EXOC4: variants seen among roughly 807,000 people sequenced by gnomAD.
EXOC4 encodes the protein exocyst complex component 4.
In EXOC4, 71 loss-of-function variants were observed where a neutral mutation model predicts 107.2. The observed-to-expected ratio is 0.66, with a 90% CI of 0.55 to 0.81. The LOEUF is 0.81. Among genes scored for constraint, EXOC4 ranks in the 30% least tolerant of loss-of-function variants. The probability of loss-of-function intolerance (pLI) is 0.00; values close to 1 mark genes in which losing one functional copy is unlikely to be tolerated. For synonymous variants in EXOC4, 456 were observed against 441.2 expected (o/e 1.03, Z -0.42); for missense variants, 1,108 against 1,189.6 (o/e 0.93, Z 1.01).
intron 6 of EXOC4, among the ~76,000 whole-genome samples, chr7:133,369,313 C>T (rs533224713): frequency 8.5e-5 from 13 of 152,222 alleles, no homozygotes; most frequent in South Asian, 2.1e-4. Flanking sequence ...AAGGAGTGTA[C>T]GTGCTGGTGA....
chr7:133,620,441 A>T (rs1802302562), intron 9 of EXOC4, among the ~76,000 whole-genome samples: 1 of 152,196 alleles, frequency 6.6e-6, no homozygotes, highest in South Asian at 2.1e-4. Context: ...TTACCATATG[A>T]CTTAGCAATT....
intron 10 of EXOC4, among the ~76,000 whole-genome samples, chr7:133,742,093 C>T (rs1322450010): frequency 1.3e-5 from 2 of 152,192 alleles, no homozygotes; most frequent in Non-Finnish European, 2.9e-5. Context: ...TTCTACTGCT[C>T]ATCGCACCAT....
At chr7:134,099,279 A>C in the EXOC4 span, among the ~76,000 whole-genome samples, 20 of 152,186 alleles carry the variant, frequency 1.3e-4, no homozygotes, top group African/African-American at 3.6e-4. Context: ...CAGAAGCAGG[A>C]AGGTCATTTT....
chr7:133,447,713 C>A (rs1427619854), intron 7 of EXOC4, among the ~76,000 whole-genome samples: 1 of 151,558 alleles, frequency 6.6e-6, no homozygotes, highest in Non-Finnish European at 1.5e-5. Context: ...ATCCTTTATC[C>A]CAGGGATAAT....
intron 10 of EXOC4, among the ~76,000 whole-genome samples, chr7:133,787,361 G>C (rs905526642): frequency 4.7e-5 from 3 of 63,694 alleles, no homozygotes; most frequent in South Asian, 8.0e-4. Context: ...GTGTGTGTGT[G>C]TGTGTGTGTG....
At chr7:133,668,904 T>G (rs763787296) in intron 10 of EXOC4, among the ~76,000 whole-genome samples, 92 of 151,882 alleles carry the variant, frequency 6.1e-4, no homozygotes, top group Middle Eastern at 3.4e-3. Flanking sequence ...AGATGACAGC[T>G]TTGGGGTGAG....
At chr7:133,762,008 C>G (rs1294518700) in intron 10 of EXOC4, among the ~76,000 whole-genome samples, 1 of 152,138 alleles carries the variant, frequency 6.6e-6, no homozygotes, top group African/African-American at 2.4e-5. Context: ...CTCTCACGTG[C>G]TTGATCTGTT....
At chr7:133,872,855 T>C (rs1220417722) in intron 11 of EXOC4, among the ~76,000 whole-genome samples, 1 of 152,254 alleles carries the variant, frequency 6.6e-6, no homozygotes, top group Non-Finnish European at 1.5e-5. Context: ...AAGAAATGCA[T>C]ACTTAATAGC....
chr7:133,898,017 C>T (rs1297478508), intron 12 of EXOC4, among the ~76,000 whole-genome samples: 1 of 120,872 alleles, frequency 8.3e-6, no homozygotes, highest in Non-Finnish European at 1.7e-5. Context: ...CCACCCCAAT[C>T]CCCCAGCCCC....
intron 10 of EXOC4, among the ~76,000 whole-genome samples, chr7:133,634,812 C>G (rs1802669348): frequency 6.6e-6 from 1 of 152,120 alleles, no homozygotes; most frequent in African/African-American, 2.4e-5. Flanking sequence ...GTGTTTCTGC[C>G]TGTGGGTCTA....
chr7:133,486,974 G>T (rs1799280303), intron 9 of EXOC4, among the ~76,000 whole-genome samples: 1 of 152,118 alleles, frequency 6.6e-6, no homozygotes, highest in South Asian at 2.1e-4. Context: ...TTGTTATCAA[G>T]TGTACTACTT....
rs1793767493 is a variant in EXOC4, at chr7:133,974,130, C to T, written c.2207-23362C>T. Among the ~76,000 whole-genome samples, 3 of 152,186 alleles carry T rather than the reference C, an allele frequency of 2.0e-5. No homozygotes were observed. In the South Asian group the frequency reaches 6.2e-4, roughly 32 times the overall value. The stretch of plus-strand genomic sequence containing the variant: ...TTCAGCCCATGCTTTTTGAGGGACA[C>T]GTTTAAACCATAGCAGACTATACCA... On this transcript the variant is annotated intron_variant, in intron 14 of 17. Transcript: ENST00000253861.
chr7:133,306,636 C>T (rs1794760247), intron 4 of EXOC4, among the ~76,000 whole-genome samples: 1 of 151,904 alleles, frequency 6.6e-6, no homozygotes, highest in Non-Finnish European at 1.5e-5. Context: ...GGAGTTTGAG[C>T]TTCAGTGAGC....
At chr7:133,903,000 G>A (rs545450587) in intron 12 of EXOC4, among the ~76,000 whole-genome samples, 2 of 152,340 alleles carry the variant, frequency 1.3e-5, no homozygotes, top group African/African-American at 4.8e-5. Context: ...CTGTTGAGTT[G>A]AGCTTAGAGG....
chr7:133,637,099 C>T (rs533997030), intron 10 of EXOC4, among the ~76,000 whole-genome samples: 5 of 152,194 alleles, frequency 3.3e-5, no homozygotes, highest in Admixed American at 1.3e-4. Flanking sequence ...GTTAGGAGGA[C>T]AGGAAGTAAC....
At chr7:133,355,576 G>A (rs1422653594) in intron 5 of EXOC4, among the ~76,000 whole-genome samples, 4 of 152,042 alleles carry the variant, frequency 2.6e-5, no homozygotes, top group Non-Finnish European at 5.9e-5. Flanking sequence ...AAAAACTAAA[G>A]TTTTGGTTAT....
intron 14 of EXOC4, among the ~76,000 whole-genome samples, 182 bp from the exon 15 acceptor site, chr7:133,997,310 C>T (rs1226201419): frequency 6.6e-6 from 1 of 152,198 alleles, no homozygotes; most frequent in Non-Finnish European, 1.5e-5. Flanking sequence ...TCAAGATAAG[C>T]CACTGCACTT....
chr7:133,846,649 T>C (rs952999010), intron 11 of EXOC4, among the ~76,000 whole-genome samples: 9 of 152,256 alleles, frequency 5.9e-5, no homozygotes, highest in African/African-American at 2.2e-4. Flanking sequence ...CTTTTTGGGC[T>C]ATGCTGTCTG....
chr7:133,544,811 C>T (rs1321657296), intron 9 of EXOC4, among the ~76,000 whole-genome samples: 1 of 144,580 alleles, frequency 6.9e-6, no homozygotes, highest in East Asian at 2.1e-4. Context: ...TTGTTGTCTT[C>T]CACTTGTAGG....
Sources: allele counts gnomAD v4.1 joint callset (sites outside exome capture counted in the v4.1 genomes callset), GRCh38; gene constraint gnomAD v4.1.1; transcripts MANE v1.5; gene names NCBI Gene and HGNC (gene_info 2026-07-23, HGNC 2026-07-21).